Variants in TTLL8 observed in about 807,000 individuals in gnomAD.
TTLL8 encodes the protein tubulin tyrosine ligase like 8, also known as protein monoglycylase TTLL8.
In TTLL8, 65 loss-of-function variants were observed where a neutral mutation model predicts 77.8. The ratio of observed to expected loss-of-function variants is 0.84; its 90% confidence interval spans 0.68 to 1.03. TTLL8 has a LOEUF of 1.03. Among genes scored for constraint, TTLL8 ranks in the 50% least tolerant of loss-of-function variants. The pLI, the probability that TTLL8 is intolerant of heterozygous loss-of-function variation, is 0.00. For synonymous variants in TTLL8, 402 were observed against 422.8 expected (o/e 0.95, Z 0.60); for missense variants, 910 against 1,004.5 (o/e 0.91, Z 1.27).
chr22:50,027,603 T>TC (rs1212979818), intron 12 of TTLL8: 1 of 982,678 alleles, frequency 1.0e-6, no homozygotes, highest in African/African-American at 1.8e-5. Flanking sequence ...CCAGTCAAAG[T>TC]CCCAGCAGTT....
upstream of TTLL8, among the ~76,000 whole-genome samples, chr22:50,057,172 A>AGTCAGGTCTGGGGATGGGG (rs2061475613): frequency 1.7e-4 from 9 of 51,652 alleles, no homozygotes; most frequent in African/African-American, 6.4e-4. Context: ...TGGGGATGGG[A>AGTCAGGTCTGGGGATGGGG]GTCAGGTCTG....
At chr22:50,022,472 G>A (rs1421309719) in intron 12 of TTLL8, among the ~76,000 whole-genome samples, 3 of 143,872 alleles carry the variant, frequency 2.1e-5, no homozygotes, top group African/African-American at 7.9e-5. Flanking sequence ...TCCATCTGAC[G>A]TGTACTCCTC....
chr22:50,056,352 C>T (rs1020360697), upstream of TTLL8, among the ~76,000 whole-genome samples: 1 of 151,844 alleles, frequency 6.6e-6, no homozygotes, highest in Non-Finnish European at 1.5e-5. The surrounding 1 kb of genome is among the most constrained non-coding windows in gnomAD (Gnocchi z 4.1). Context: ...ATTAAAACCA[C>T]ACACCCGAGT....
chr22:50,021,639 CATCT>C (rs1436282412), intron 12 of TTLL8, among the ~76,000 whole-genome samples: 1 of 147,698 alleles, frequency 6.8e-6, no homozygotes, highest in Non-Finnish European at 1.5e-5. Flanking sequence ...TGCACTCCTC[CATCT>C]GATGATGTGC....
At chr22:50,050,359 C>T (rs1028570280) in intron 1 of TTLL8, 112 bp from the exon 4 acceptor site, 2 of 699,566 alleles carry the variant, frequency 2.9e-6, no homozygotes, top group East Asian at 1.3e-4. Flanking sequence ...TGGGGGCACC[C>T]ATCACCCAAT....
chr22:50,021,149 ACTC>A (rs2076144387), intron 12 of TTLL8, among the ~76,000 whole-genome samples: 1 of 113,044 alleles, frequency 8.8e-6, no homozygotes, highest in African/African-American at 3.6e-5. Context: ...GATGATGTGT[ACTC>A]CTCCATCTGA....
In TTLL8 at chr22:50,026,723, T is replaced by G. The variant is rs2061231782; in HGVS notation, c.2203+3707A>C. Among the ~76,000 whole-genome samples the G allele has an allele frequency of 2.0e-5, 3 of 152,238 alleles. No individual in the cohort carries two copies. The South Asian group carries it at 6.2e-4, about 31-fold the overall frequency. On this transcript the variant is annotated intron_variant, in intron 12 of 13. Coordinates refer to ENST00000266182, the Ensembl canonical transcript of TTLL8. ...TGACAATCCATCAAGCTGTGTCTAC[T>G]TACGGTCTGTCCTCACTGTAGGTAA...
At chr22:50,026,201 T>G (rs1305720914) in intron 12 of TTLL8, among the ~76,000 whole-genome samples, 2 of 151,730 alleles carry the variant, frequency 1.3e-5, no homozygotes, top group Non-Finnish European at 2.9e-5. Context: ...CGACAAAGGG[T>G]GCACACTCGT....
At chr22:50,051,927 T>A (rs1418839504) in intron 1 of TTLL8, among the ~76,000 whole-genome samples, 1 of 152,134 alleles carries the variant, frequency 6.6e-6, no homozygotes, top group South Asian at 2.1e-4. Flanking sequence ...CAGGAAGACA[T>A]CTGCTCAAAG....
intron 12 of TTLL8, among the ~76,000 whole-genome samples, chr22:50,028,512 G>C (rs972478654): frequency 2.0e-5 from 3 of 152,078 alleles, no homozygotes; most frequent in Non-Finnish European, 2.9e-5. Flanking sequence ...TCCGTGAGTG[G>C]GTCCCAGCCC....
intron 12 of TTLL8, among the ~76,000 whole-genome samples, chr22:50,025,468 C>T (rs1253907936): frequency 1.3e-5 from 2 of 151,938 alleles, no homozygotes; most frequent in African/African-American, 2.4e-5. Flanking sequence ...GGTGAAACCC[C>T]GTCTCTACTA....
At chr22:50,037,561 A>C (rs945211070) in intron 8 of TTLL8, among the ~76,000 whole-genome samples, 2 of 152,168 alleles carry the variant, frequency 1.3e-5, no homozygotes, top group Non-Finnish European at 2.9e-5. Context: ...ATTTTTGTGT[A>C]TTTGTGAAGC....
intron 8 of TTLL8, among the ~76,000 whole-genome samples, chr22:50,036,086 A>G (rs558783071): frequency 6.6e-6 from 1 of 152,304 alleles, no homozygotes; most frequent in Admixed American, 6.5e-5. Context: ...GGGCCTCCAG[A>G]TGCTGACGGC....
intron 12 of TTLL8, among the ~76,000 whole-genome samples, chr22:50,020,042 ACTTTT>A (rs1457906944): frequency 5.9e-5 from 9 of 152,358 alleles, no homozygotes; most frequent in Non-Finnish European, 1.2e-4. Flanking sequence ...ATCTTATCAT[ACTTTT>A]CTTAGTAACT....
exon 3 of TTLL8, chr22:50,049,259 T>C: frequency 7.3e-7 from 1 of 1,367,698 alleles, no homozygotes; most frequent in Non-Finnish European, 9.8e-7. Context: ...CATCACGTCG[T>C]GGATGTTGTC....
At chr22:50,052,734 T>C (rs1251864980) in intron 1 of TTLL8, among the ~76,000 whole-genome samples, 2 of 152,220 alleles carry the variant, frequency 1.3e-5, no homozygotes, top group Admixed American at 6.5e-5. Flanking sequence ...AAGATACATG[T>C]GTATGCACCT....
Position 50,051,314 on chromosome 22 carries a change from G to T in TTLL8, c.52-1067C>A, listed in dbSNP as rs571461471. Among the ~76,000 whole-genome samples the T allele has an allele frequency of 4.4e-4, 67 of 152,242 alleles. No homozygotes were observed. The South Asian group carries it at 7.3e-3, about 17-fold the overall frequency. ...TGGTTTTCCATTCCTGAGTTACTTC[G>T]CTTGGAAGAATGGCCTTCAGCTCCA... is the stretch of plus-strand genomic sequence containing the variant. On this transcript the variant is annotated intron_variant, in intron 1 of 13. Coordinates refer to ENST00000266182, the Ensembl canonical transcript of TTLL8.
chr22:50,056,748 TCAGTGAAGTGC>T, upstream of TTLL8: 1 of 1,279,408 alleles, frequency 7.8e-7, no homozygotes, highest in Non-Finnish European at 1.0e-6. The surrounding 1 kb of genome is among the most constrained non-coding windows in gnomAD (Gnocchi z 4.1). Context: ...GTTCTGCAGC[TCAGTGAAGTGC>T]CTGCCCCCAG....
chr22:50,052,513 C>A (rs73429531), intron 1 of TTLL8, among the ~76,000 whole-genome samples: 14 of 152,134 alleles, frequency 9.2e-5, no homozygotes, highest in African/African-American at 3.4e-4. Flanking sequence ...AGATAACAGA[C>A]ACACCTGAAT....
Sources: gnomAD v4.1 joint callset for allele counts (sites outside exome capture counted in the v4.1 genomes callset) on GRCh38, gnomAD v4.1.1 for gene constraint, Gnocchi (gnomAD v3.1) non-coding constraint, MANE v1.5 for transcripts, NCBI Gene and HGNC (gene_info 2026-07-23, HGNC 2026-07-21) for gene names.